The following DIP2C variants were observed in gnomAD, a reference collection of about 807,000 sequenced individuals.
DIP2C encodes DIP2 acetate--CoA ligase C (putative).
In DIP2C, 33 loss-of-function variants were observed where a neutral mutation model predicts 192.4. The ratio of observed to expected loss-of-function variants is 0.17; its 90% CI spans 0.13 to 0.23. DIP2C has a LOEUF of 0.23. Among genes scored for constraint, DIP2C ranks in the 10% least tolerant of loss-of-function variants. The pLI, the probability that DIP2C is intolerant of heterozygous loss-of-function variation, is 1.00. For synonymous variants in DIP2C, 979 were observed against 864.1 expected, an observed-to-expected ratio of 1.13 and a Z score of -2.33; for missense variants, 1,537 against 2,110.1, an observed-to-expected ratio of 0.73 and a Z score of 5.32.
rs1410557326 is a variant in DIP2C, at chr10:428,913, TATC to T, written c.395-5883_395-5881del. Among the ~76,000 whole-genome samples, 4 of 150,460 alleles carry T rather than the reference TATC, an allele frequency of 2.7e-5. No homozygotes were observed. The East Asian group carries it at 6.0e-4, about 22-fold the overall frequency. On this transcript the variant is annotated intron_variant, in intron 4 of 36. Transcript: ENST00000280886. ...TTAAACCCACCAGCAAAATTTCTTCTATCATATTTTCCAGCTTTATAGTGATGT... is the reference window on the plus strand; with the variant it reads ...TTAAACCCACCAGCAAAATTTCTTCTATATTTTCCAGCTTTATAGTGATGT...
chr10:531,245 GCA>G (rs898865372), intron 1 of DIP2C, among the ~76,000 whole-genome samples: 2 of 151,954 alleles, frequency 1.3e-5, no homozygotes, highest in African/African-American at 4.8e-5. Flanking sequence ...ATCCCGATGA[GCA>G]CACACAGCGA....
chr10:371,668 G>GGTGGATCA (rs1443320386), intron 17 of DIP2C, among the ~76,000 whole-genome samples: 9 of 151,052 alleles, frequency 6.0e-5, no homozygotes, highest in African/African-American at 2.0e-4. Context: ...TGAGGCCTGG[G>GGTGGATCA]CTGAGCTGAG....
chr10:356,143 T>TA (rs1447617957), intron 24 of DIP2C: 1 of 555,266 alleles, frequency 1.8e-6, no homozygotes, highest in African/African-American at 1.9e-5. Flanking sequence ...CTCATAGACT[T>TA]ACGATTTCTC....
rs1848792720 is a variant in DIP2C at position 555,295 on chromosome 10, AAGGGC to A, written c.86-68770_86-68766del. 2.0e-5 allele frequency among the ~76,000 whole-genome samples: 3 copies of A among 151,540 alleles called. No homozygotes were observed. In the South Asian group the frequency reaches 6.3e-4, roughly 32 times the overall value. On this transcript the variant is annotated intron_variant, in intron 1 of 36. Coordinates refer to ENST00000280886, the MANE Select transcript of DIP2C (RefSeq NM_014974.3). ...TGCTGTTTTATTGTTTTTCAGTTTT[AAGGGC>A]AGGATCATTTTCCCACACGTTTGCT...
At chr10:580,520 C>T (rs1384383964) in intron 1 of DIP2C, among the ~76,000 whole-genome samples, 2 of 152,122 alleles carry the variant, frequency 1.3e-5, no homozygotes, top group African/African-American at 4.8e-5. Flanking sequence ...CATAGTTATG[C>T]ACATATGTAC....
Position 413,899 on chromosome 10 carries a change from A to G in DIP2C, c.1057+14T>C, listed in dbSNP as rs753514588. Reference sequence around the variant, plus strand: ...GGGGGTGGGCAAAGGGCAGAGAGTGAGCCTGGGGATTACCGTAAGTGAGGA... The same window carrying G: ...GGGGGTGGGCAAAGGGCAGAGAGTGGGCCTGGGGATTACCGTAAGTGAGGA... On this transcript the variant is annotated intron_variant, in intron 8 of 36. Transcript: ENST00000280886. 6.2e-7 allele frequency: 1 copy of G among 1,611,432 alleles called. No individual in the cohort carries two copies. The highest frequency in any genetic ancestry group is 1.1e-5 in the South Asian group (1 of 90,854).
intron 1 of DIP2C, among the ~76,000 whole-genome samples, chr10:649,131 T>G (rs71489274): frequency 0.015 from 984 of 64,668 alleles, no homozygotes; most frequent in Middle Eastern, 0.068. Flanking sequence ...GAGCGAAACT[T>G]AGTCCACGTC....
intron 1 of DIP2C, among the ~76,000 whole-genome samples, chr10:579,236 T>C (rs1223703507): frequency 6.6e-6 from 1 of 151,926 alleles, no homozygotes; most frequent in Non-Finnish European, 1.5e-5. Flanking sequence ...TTAGTGTACG[T>C]ACATAGGTAC....
chr10:287,579 G>C (rs928956311), intron 33 of DIP2C, among the ~76,000 whole-genome samples: 5 of 149,934 alleles, frequency 3.3e-5, no homozygotes, highest in African/African-American at 1.2e-4. Context: ...CTAACTTGCA[G>C]CCATGCAGGC....
intron 1 of DIP2C, among the ~76,000 whole-genome samples, chr10:536,183 G>A (rs770326109): frequency 6.6e-6 from 1 of 152,200 alleles, no homozygotes; most frequent in African/African-American, 2.4e-5. Context: ...GCGCTCAGGC[G>A]TCCCTCAGCT....
At chr10:570,109 T>C (rs953431979) in intron 1 of DIP2C, among the ~76,000 whole-genome samples, 2 of 152,136 alleles carry the variant, frequency 1.3e-5, no homozygotes, top group Admixed American at 1.3e-4. Flanking sequence ...CTTTCAGAGA[T>C]AGTCATAGCA....
At chr10:348,180 C>T (rs1283390050) in intron 26 of DIP2C, among the ~76,000 whole-genome samples, 1 of 152,230 alleles carries the variant, frequency 6.6e-6, no homozygotes, top group African/African-American at 2.4e-5. Flanking sequence ...CCCTGTACTT[C>T]CTCCTTCAAC....
chr10:684,066 G>A (rs926300506), intron 1 of DIP2C, among the ~76,000 whole-genome samples: 1 of 152,230 alleles, frequency 6.6e-6, no homozygotes, highest in Non-Finnish European at 1.5e-5. Context: ...CCCTTCATGT[G>A]GGTTCGCTTT....
At chr10:419,348 A>G (rs1028720256) in intron 5 of DIP2C, 149 bp from the exon 6 acceptor site, 2 of 1,116,588 alleles carry the variant, frequency 1.8e-6, no homozygotes, top group African/African-American at 1.5e-5. Context: ...CGCATCTGCC[A>G]CACACATCCA....
chr10:510,389 TCTC>T (rs1845930700), intron 1 of DIP2C, among the ~76,000 whole-genome samples: 1 of 152,212 alleles, frequency 6.6e-6, no homozygotes, highest in Admixed American at 6.5e-5. Context: ...GCAGTTTTCT[TCTC>T]TCCTGCACCT....
At chr10:369,349 A>C in intron 18 of DIP2C, 145 bp downstream of exon 18, 2 of 1,057,946 alleles carry the variant, frequency 1.9e-6, no homozygotes, top group Non-Finnish European at 2.6e-6. Flanking sequence ...AAGCCTAACA[A>C]AGACTTCAGA....
intron 4 of DIP2C, among the ~76,000 whole-genome samples, chr10:423,247 G>A (rs562824007): frequency 2.6e-5 from 4 of 152,110 alleles, no homozygotes; most frequent in Non-Finnish European, 5.9e-5. Context: ...ATATAAACAT[G>A]CTATAAGATG....
chr10:503,429 G>A (rs1015383076), intron 1 of DIP2C, among the ~76,000 whole-genome samples: 7 of 152,204 alleles, frequency 4.6e-5, no homozygotes, highest in East Asian at 1.9e-4. Context: ...AAAAGAGAGT[G>A]GCAGTGCTAC....
chr10:481,533 T>C (rs1362995832), intron 2 of DIP2C, among the ~76,000 whole-genome samples: 2 of 152,212 alleles, frequency 1.3e-5, no homozygotes, highest in Admixed American at 6.5e-5. Context: ...GAAAAGATAA[T>C]AAAATTCCAC....
Sources: allele counts gnomAD v4.1 joint callset (sites outside exome capture counted in the v4.1 genomes callset), GRCh38; gene constraint gnomAD v4.1.1; transcripts MANE v1.5; gene names NCBI Gene and HGNC (gene_info 2026-07-23, HGNC 2026-07-21).